Variants in NBEA observed in about 807,000 individuals in gnomAD.
The protein encoded by NBEA is neurobeachin.
Under a neutral mutation model 343.4 loss-of-function variants are expected in NBEA, and 44 were observed. The observed-to-expected ratio is 0.13, with a 90% CI of 0.10 to 0.16. The LOEUF (loss-of-function observed/expected upper bound fraction) is 0.16, where lower values mean the gene tolerates loss of function less well. Ranked by LOEUF, NBEA falls within the 10% of genes least tolerant of loss-of-function variation. The probability of loss-of-function intolerance (pLI) is 1.00; values close to 1 mark genes in which losing one functional copy is unlikely to be tolerated. For missense variants in NBEA, 2,555 were observed against 3,631.3 expected, an observed-to-expected ratio of 0.70 and a Z score of 7.62; for synonymous variants, 1,175 against 1,238.7, an observed-to-expected ratio of 0.95 and a Z score of 1.08.
At chr13:35,003,449 A>G (rs2061214212) in intron 1 of NBEA, among the ~76,000 whole-genome samples, 1 of 152,204 alleles carries the variant, frequency 6.6e-6, no homozygotes. Flanking sequence ...GCTTTTTACA[A>G]GAAATGCCCA....
At chr13:35,479,706 A>C (rs1347698676) in intron 41 of NBEA, among the ~76,000 whole-genome samples, 1 of 152,188 alleles carries the variant, frequency 6.6e-6, no homozygotes, top group Non-Finnish European at 1.5e-5. Flanking sequence ...TTTATGTATT[A>C]ATGTGAAAAG....
At position 34,948,731 on chromosome 13, in the gene NBEA, A is replaced by AT. The variant is rs1282888237; in HGVS notation, c.294+5619dup. ...TCCGTTTTACAGAGCAGCTGTTTAAATTGTCACCTGTGTTATCTTTGTCAA... is the reference window on the plus strand; with the variant it reads ...TCCGTTTTACAGAGCAGCTGTTTAAATTTGTCACCTGTGTTATCTTTGTCAA... On this transcript the variant is annotated intron_variant, in intron 1 of 58. Coordinates refer to ENST00000379939, the MANE Select transcript of NBEA (RefSeq NM_001385012.1). 2.0e-5 allele frequency among the ~76,000 whole-genome samples: 3 copies of AT among 152,152 alleles called. No homozygotes were observed. The East Asian group carries it at 5.8e-4, about 29-fold the overall frequency.
rs115235399 is a variant in NBEA at position 35,111,804 on chromosome 13, T to C, written c.2002+826T>C. 3.4e-3 allele frequency among the ~76,000 whole-genome samples: 515 copies of C among 152,200 alleles called. 2 individuals are homozygous for C. The highest frequency in any genetic ancestry group is 0.011 in the African/African-American group (474 of 41,548). ...ATTTTTTTCAGGAATGTCATATTAT[T>C]TTACAGTTTTACCAGTATATGTTAG... On this transcript the variant is annotated intron_variant, in intron 13 of 58. Transcript: ENST00000379939.
intron 36 of NBEA, among the ~76,000 whole-genome samples, chr13:35,320,296 G>A (rs952958957): frequency 6.6e-6 from 1 of 152,264 alleles, no homozygotes. Flanking sequence ...ACCTGGTGGT[G>A]ACAAAATCTC....
chr13:35,087,069 G>C lies in NBEA; in HGVS notation c.1572-11228G>C, dbSNP rs2064810059. On this transcript the variant is annotated intron_variant, in intron 10 of 58. Coordinates refer to ENST00000379939, the MANE Select transcript of NBEA (RefSeq NM_001385012.1). Reference sequence around the variant, plus strand: ...TAGTCTCTTGTAGGATGAATAGTTAGCAGATATTTTCTCCAGTTCAAACAC... The same window carrying C: ...TAGTCTCTTGTAGGATGAATAGTTACCAGATATTTTCTCCAGTTCAAACAC... Among the ~76,000 whole-genome samples, 7 of 151,658 alleles carry C rather than the reference G, an allele frequency of 4.6e-5. No homozygotes were observed. The South Asian group carries it at 1.5e-3, about 31-fold the overall frequency.
chr13:35,373,581 T>C (rs1173319571), intron 38 of NBEA, among the ~76,000 whole-genome samples: 2 of 151,664 alleles, frequency 1.3e-5, no homozygotes, highest in Admixed American at 6.6e-5. Flanking sequence ...GGTGCATGCC[T>C]GTAGTCCCAG....
intron 8 of NBEA, among the ~76,000 whole-genome samples, chr13:35,060,502 A>C (rs1213887540): frequency 6.6e-6 from 1 of 151,824 alleles, no homozygotes; most frequent in Non-Finnish European, 1.5e-5. Flanking sequence ...GAGTACCTAA[A>C]GTCAGAACTT....
chr13:35,169,822 A>G (rs888935249), intron 25 of NBEA, among the ~76,000 whole-genome samples: 3 of 151,736 alleles, frequency 2.0e-5, no homozygotes, highest in Non-Finnish European at 4.4e-5. Flanking sequence ...TTTAATTGAT[A>G]TTATGAAGTG....
chr13:35,456,417 A>G (rs2046582821), intron 40 of NBEA, among the ~76,000 whole-genome samples: 1 of 152,064 alleles, frequency 6.6e-6, no homozygotes, highest in Admixed American at 6.5e-5. Flanking sequence ...AATAAAACCT[A>G]ACTTAATTTA....
intron 1 of NBEA, among the ~76,000 whole-genome samples, chr13:34,950,139 C>T (rs193290740): frequency 3.9e-5 from 6 of 152,252 alleles, no homozygotes. Context: ...CTGGACCAGA[C>T]AGAGAAACTG....
intron 10 of NBEA, among the ~76,000 whole-genome samples, chr13:35,076,747 T>G (rs1209152911): frequency 6.6e-6 from 1 of 152,092 alleles, no homozygotes; most frequent in Non-Finnish European, 1.5e-5. Flanking sequence ...TGCCTTAATT[T>G]TCTTCTAGTT....
At chr13:35,112,191 A>C (rs1456905597) in intron 13 of NBEA, among the ~76,000 whole-genome samples, 1 of 151,758 alleles carries the variant, frequency 6.6e-6, no homozygotes, top group Non-Finnish European at 1.5e-5. Flanking sequence ...TACTATTCTA[A>C]TATTTATATA....
chr13:35,560,855 A>G (rs1020198293), intron 44 of NBEA, among the ~76,000 whole-genome samples: 1 of 152,190 alleles, frequency 6.6e-6, no homozygotes, highest in African/African-American at 2.4e-5. Context: ...ACCACCAGCC[A>G]TCATTGCTCC....
chr13:35,193,994 A>G (rs1309762630), intron 30 of NBEA, among the ~76,000 whole-genome samples: 1 of 151,992 alleles, frequency 6.6e-6, no homozygotes, highest in Non-Finnish European at 1.5e-5. Context: ...TATAGATTTG[A>G]TATAATTTGA....
chr13:35,327,166 A>T (rs2038618787), intron 36 of NBEA, among the ~76,000 whole-genome samples: 1 of 152,110 alleles, frequency 6.6e-6, no homozygotes, highest in Admixed American at 6.6e-5. Flanking sequence ...GAATGCTTAT[A>T]CACTGTTGAT....
chr13:35,509,572 G>A (rs1009665232), intron 41 of NBEA, among the ~76,000 whole-genome samples: 2 of 152,192 alleles, frequency 1.3e-5, no homozygotes, highest in African/African-American at 2.4e-5. Flanking sequence ...TTTGGCCACC[G>A]GCTTAAGCCA....
chr13:35,541,725 G>GGTGTGTGTGTGTGTGTGT lies in NBEA; in HGVS notation c.6586-8733_6586-8716dup, dbSNP rs3075505. On this transcript the variant is annotated intron_variant, in intron 41 of 58. Coordinates refer to ENST00000379939, the MANE Select transcript of NBEA (RefSeq NM_001385012.1). ...AAGATTAGAACCAGAGGTCTGCATG[G>GGTGTGTGTGTGTGTGTGT]GTGTGTGTGTGTGTGTGTGTGTGTG... Among the ~76,000 whole-genome samples, 391 of 145,218 alleles carry GGTGTGTGTGTGTGTGTGT rather than the reference G, an allele frequency of 2.7e-3. 2 individuals are homozygous for GGTGTGTGTGTGTGTGTGT. The highest frequency in any genetic ancestry group is 5.3e-3 in the East Asian group (26 of 4,860).
At chr13:35,285,795 C>T (rs2035383343) in intron 34 of NBEA, among the ~76,000 whole-genome samples, 1 of 152,116 alleles carries the variant, frequency 6.6e-6, no homozygotes, top group South Asian at 2.1e-4. Context: ...GCTTAAAATC[C>T]TGTAGTGGCT....
intron 44 of NBEA, among the ~76,000 whole-genome samples, chr13:35,564,130 G>C (rs1192345221): frequency 6.6e-6 from 1 of 151,826 alleles, no homozygotes; most frequent in Admixed American, 6.6e-5. Flanking sequence ...TTTTTATGCT[G>C]TTTGCATTGA....
Sources: allele counts gnomAD v4.1 joint callset (sites outside exome capture counted in the v4.1 genomes callset), GRCh38; gene constraint gnomAD v4.1.1; transcripts MANE v1.5; gene names NCBI Gene and HGNC (gene_info 2026-07-23, HGNC 2026-07-21).